The following KYNU variants were observed in gnomAD, a reference collection of about 807,000 sequenced individuals.
KYNU encodes the protein kynureninase, also known as L-kynurenine hydrolase.
KYNU carries 54 observed loss-of-function variants against 59.2 expected under a neutral mutation model. The ratio of observed to expected loss-of-function variants is 0.91; its 90% confidence interval spans 0.73 to 1.14. The LOEUF (loss-of-function observed/expected upper bound fraction) is 1.14, where lower values mean the gene tolerates loss of function less well. Among genes scored for constraint, KYNU ranks in the 50% most tolerant of loss-of-function variants. KYNU has a pLI of 0.00. For missense variants in KYNU, 567 were observed against 554.4 expected, an observed-to-expected ratio of 1.02 and a Z score of -0.23; for synonymous variants, 177 against 192.0, an observed-to-expected ratio of 0.92 and a Z score of 0.65.
chr2:142,896,457 A>G (rs1681879962), intron 2 of KYNU, among the ~76,000 whole-genome samples: 1 of 152,136 alleles, frequency 6.6e-6, no homozygotes, highest in Admixed American at 6.5e-5. Flanking sequence ...TGTCTGCTCA[A>G]ATATTTTGAC....
At chr2:142,880,605 C>G (rs1207073439) in intron 1 of KYNU, among the ~76,000 whole-genome samples, 1 of 152,230 alleles carries the variant, frequency 6.6e-6, no homozygotes, top group Non-Finnish European at 1.5e-5. Flanking sequence ...GCTCCTGTAT[C>G]TAACTGAATG....
At position 143,055,021 on chromosome 2, in the gene KYNU, A is replaced by G. The variant is rs1044448189; in HGVS notation, c.*12849A>G. The stretch of plus-strand genomic sequence containing the variant: ...TAAGAAGCTATTCATATTTCTATAT[A>G]TATATACCAAGTACATAGGAGTGAA... On this transcript the variant is annotated 3_prime_UTR_variant, in exon 14 of 14. Coordinates refer to ENST00000264170, the MANE Select transcript of KYNU (RefSeq NM_003937.3). 6.6e-6 allele frequency: 1 copy of G among 152,192 alleles called. No homozygotes were observed. Among genetic ancestry groups the G allele is most frequent in the Non-Finnish European group, 1.5e-5 (1 of 68,040 alleles). The allele number at this position is 152,192 out of a possible 1,614,324, so 9.4% of individuals were successfully genotyped here.
chr2:142,904,206 G>A (rs372944155), intron 2 of KYNU, among the ~76,000 whole-genome samples: 8 of 152,218 alleles, frequency 5.3e-5, no homozygotes, highest in Admixed American at 1.3e-4. Context: ...TCTACAGAAA[G>A]GCAGTAGGAT....
intron 4 of KYNU, among the ~76,000 whole-genome samples, chr2:142,935,109 AG>A (rs914068633): frequency 2.0e-5 from 3 of 152,152 alleles, no homozygotes; most frequent in African/African-American, 4.8e-5. Flanking sequence ...GTGGGGTTTG[AG>A]GGCCGTCATC....
At chr2:142,988,847 G>T in intron 10 of KYNU, 2 of 1,604,318 alleles carry the variant, frequency 1.2e-6, no homozygotes, top group South Asian at 1.1e-5. Flanking sequence ...TGCATTAGGA[G>T]ATCGGAGTTC....
chr2:142,939,602 CAAAAAAAAAA>C (rs71301737), intron 4 of KYNU, among the ~76,000 whole-genome samples: 4 of 65,106 alleles, frequency 6.1e-5, no homozygotes, highest in African/African-American at 2.4e-4. Flanking sequence ...CTCCATCTCA[CAAAAAAAAAA>C]AAAAAAAAAA....
chr2:142,912,508 TA>T (rs1368616603), intron 2 of KYNU, among the ~76,000 whole-genome samples: 89 of 150,970 alleles, frequency 5.9e-4, no homozygotes, highest in African/African-American at 2.2e-3. Context: ...GCCTCCCAAG[TA>T]GCTGGGATTA....
In KYNU at chr2:143,023,122, T is replaced by A. The variant is rs566855260; in HGVS notation, c.903-6505T>A. Among the ~76,000 whole-genome samples the A allele has an allele frequency of 7.9e-5, 12 of 152,106 alleles. No homozygotes were observed. The South Asian group carries it at 2.5e-3, about 31-fold the overall frequency. On this transcript the variant is annotated intron_variant, in intron 10 of 13. Transcript: ENST00000264170. The stretch of plus-strand genomic sequence containing the variant: ...CAGTTTAAAGCTATGAATTGTTCTC[T>A]CTGCACTGTTTTGGCAATTTCCCAA...
At chr2:142,965,225 A>T (rs938369066) in intron 8 of KYNU, among the ~76,000 whole-genome samples, 9 of 152,178 alleles carry the variant, frequency 5.9e-5, no homozygotes, top group Non-Finnish European at 1.2e-4. Context: ...CATCCACAAG[A>T]TGTCTCTACT....
intron 4 of KYNU, among the ~76,000 whole-genome samples, chr2:142,933,940 A>C (rs1331896098): frequency 6.6e-6 from 1 of 152,208 alleles, no homozygotes; most frequent in Admixed American, 6.5e-5. Context: ...TGGGGAAAAA[A>C]AAGCATCTTT....
At chr2:142,911,532 A>C (rs959441696) in intron 2 of KYNU, among the ~76,000 whole-genome samples, 1 of 151,916 alleles carries the variant, frequency 6.6e-6, no homozygotes, top group African/African-American at 2.4e-5. Flanking sequence ...TTCTATTTAG[A>C]TTCCTTTTCT....
intron 10 of KYNU, chr2:142,989,324 A>G (rs1490197109): frequency 2.9e-5 from 29 of 990,646 alleles, no homozygotes; most frequent in South Asian, 3.9e-5. Context: ...CTGTCATCTT[A>G]CTTTTCTGTT....
intron 2 of KYNU, among the ~76,000 whole-genome samples, chr2:142,899,646 G>A (rs956216825): frequency 1.4e-4 from 1 of 7,120 alleles, no homozygotes. Context: ...TAGGAGCATG[G>A]GCTAGGAGGC....
rs145226627 is a variant in KYNU at position 142,893,775 on chromosome 2, A to G, written c.169+8239A>G. 2.4e-4 allele frequency among the ~76,000 whole-genome samples: 37 copies of G among 152,228 alleles called. No homozygotes were observed. In the East Asian group the frequency reaches 5.0e-3, roughly 21 times the overall value. The stretch of plus-strand genomic sequence containing the variant: ...CACCTTTTTCAGCTCATGGAGCCCA[A>G]TATTCTAAGATAATGCAAATTGCTG... On this transcript the variant is annotated intron_variant, in intron 2 of 13. Coordinates refer to ENST00000264170, the MANE Select transcript of KYNU (RefSeq NM_003937.3).
At chr2:142,957,363 CTTAGA>C (rs1301261296) in intron 6 of KYNU, among the ~76,000 whole-genome samples, 1 of 152,046 alleles carries the variant, frequency 6.6e-6, no homozygotes, top group Admixed American at 6.6e-5. Context: ...CTGGTTTTGA[CTTAGA>C]TTAGATGATT....
intron 3 of KYNU, among the ~76,000 whole-genome samples, chr2:142,926,120 G>A (rs189918215): frequency 6.6e-6 from 1 of 152,176 alleles, no homozygotes; most frequent in Admixed American, 6.5e-5. Flanking sequence ...TCACACACTG[G>A]GGCCTGTGGG....
chr2:142,973,130 A>T (rs1355774938), intron 8 of KYNU, among the ~76,000 whole-genome samples: 1 of 151,082 alleles, frequency 6.6e-6, no homozygotes, highest in African/African-American at 2.4e-5. Context: ...TATATAAACT[A>T]ATCATATAAT....
rs1383874180 is a variant in KYNU, at chr2:143,042,196, G to A, written c.*24G>A. On this transcript the variant is annotated 3_prime_UTR_variant, in exon 14 of 14. Transcript: ENST00000264170. ...AGCAGTGTTTTCTAGAACAACTTAA[G>A]CAAATTATACTGAAAGCTGCTGTGG... The A allele has an allele frequency of 7.5e-6, 12 of 1,603,250 alleles. No individual in the cohort carries two copies. The Admixed American group carries it at 2.0e-4, about 27-fold the overall frequency.
intron 2 of KYNU, among the ~76,000 whole-genome samples, chr2:142,891,494 A>C (rs977931532): frequency 2.6e-5 from 4 of 152,230 alleles, no homozygotes; most frequent in Non-Finnish European, 5.9e-5. Context: ...ACCCAACTTT[A>C]GTAGACTTTA....
Sources: allele counts gnomAD v4.1 joint callset (sites outside exome capture counted in the v4.1 genomes callset), GRCh38; gene constraint gnomAD v4.1.1; transcripts MANE v1.5; gene names NCBI Gene and HGNC (gene_info 2026-07-23, HGNC 2026-07-21).